CAPZB: variants seen among roughly 807,000 people sequenced by gnomAD.
CAPZB encodes the protein F-actin-capping protein subunit beta.
Under a neutral mutation model 38.1 loss-of-function variants are expected in CAPZB, and 2 were observed. The observed-to-expected ratio is 0.05, with a 90% CI of 0.02 to 0.17. CAPZB has a LOEUF of 0.17. Among genes scored for constraint, CAPZB ranks in the 10% least tolerant of loss-of-function variants. The pLI is 1.00. For synonymous variants in CAPZB, 107 were observed against 127.4 expected, an observed-to-expected ratio of 0.84 and a Z score of 1.08; for missense variants, 161 against 334.2, an observed-to-expected ratio of 0.48 and a Z score of 4.04.
intron 2 of CAPZB, among the ~76,000 whole-genome samples, chr1:19,392,244 G>C (rs1309601358): frequency 6.6e-6 from 1 of 151,802 alleles, no homozygotes; most frequent in South Asian, 2.1e-4. Flanking sequence ...GACAGAAGGG[G>C]GTTGCTGTGG....
chr1:19,355,118 G>A (rs2094013253), intron 6 of CAPZB, among the ~76,000 whole-genome samples: 2 of 152,286 alleles, frequency 1.3e-5, no homozygotes, highest in African/African-American at 4.8e-5. Flanking sequence ...AGGTATGACG[G>A]CTGACATTCA....
chr1:19,399,962 G>A (rs116148997), intron 2 of CAPZB, among the ~76,000 whole-genome samples: 148 of 152,228 alleles, frequency 9.7e-4, no homozygotes, highest in Non-Finnish European at 1.7e-3. Flanking sequence ...CACAGCCTTA[G>A]GACACAGATG....
chr1:19,368,949 T>A (rs968109698), intron 4 of CAPZB, among the ~76,000 whole-genome samples: 6 of 152,166 alleles, frequency 3.9e-5, no homozygotes, highest in Non-Finnish European at 8.8e-5. Flanking sequence ...GGGAGGGAGC[T>A]GGTCCCTGCT....
At chr1:19,370,200 C>T (rs904899039) in intron 4 of CAPZB, among the ~76,000 whole-genome samples, 2 of 152,238 alleles carry the variant, frequency 1.3e-5, no homozygotes, top group African/African-American at 2.4e-5. Context: ...CCCTTCAGGG[C>T]GTGGCCCAGG....
intron 1 of CAPZB, among the ~76,000 whole-genome samples, chr1:19,426,925 C>G (rs1024859941): frequency 2.0e-5 from 3 of 152,170 alleles, no homozygotes; most frequent in African/African-American, 4.8e-5. Context: ...AAACTGGGGA[C>G]AGAAGAGCTA....
At chr1:19,461,009 A>C (rs986635472) in intron 1 of CAPZB, among the ~76,000 whole-genome samples, 2 of 148,250 alleles carry the variant, frequency 1.3e-5, no homozygotes, top group Admixed American at 1.4e-4. Context: ...TCCCTCTCTC[A>C]AGGCTGGGAA....
At chr1:19,473,897 A>G (rs2094598132) in intron 1 of CAPZB, among the ~76,000 whole-genome samples, 1 of 152,232 alleles carries the variant, frequency 6.6e-6, no homozygotes, top group Non-Finnish European at 1.5e-5. Context: ...GACCCAATCC[A>G]ATGGTGTTAA....
At chr1:19,450,700 G>A (rs1426521905) in intron 1 of CAPZB, among the ~76,000 whole-genome samples, 3 of 152,302 alleles carry the variant, frequency 2.0e-5, no homozygotes, top group Admixed American at 1.3e-4. Context: ...CAAGGCCCCA[G>A]GGAAGCAAAA....
intron 1 of CAPZB, among the ~76,000 whole-genome samples, chr1:19,483,183 A>T (rs1254495502): frequency 6.6e-6 from 1 of 151,740 alleles, no homozygotes; most frequent in Non-Finnish European, 1.5e-5. Context: ...TATACAAAGG[A>T]TCTAAAATAC....
intron 1 of CAPZB, among the ~76,000 whole-genome samples, chr1:19,460,273 T>TTTTG (rs200693509): frequency 6.6e-6 from 1 of 152,042 alleles, no homozygotes; most frequent in Non-Finnish European, 1.5e-5. Context: ...AGTATTGGTT[T>TTTTG]TTTGTTTGTT....
chr1:19,345,276 A>G, intron 6 of CAPZB, 24 bp from the exon 7 acceptor site: 1 of 1,596,562 alleles, frequency 6.3e-7, no homozygotes, highest in Non-Finnish European at 8.6e-7. Flanking sequence ...AAACATTCCA[A>G]GTCAGAGAAA....
chr1:19,420,033 C>A (rs3790760), intron 1 of CAPZB: 3 of 385,886 alleles, frequency 7.8e-6, no homozygotes, highest in Non-Finnish European at 1.4e-5. Flanking sequence ...ACCGGCTCCC[C>A]TGCTCCTGCT....
intron 6 of CAPZB, among the ~76,000 whole-genome samples, chr1:19,349,677 G>A (rs1215243000): frequency 6.6e-6 from 1 of 152,226 alleles, no homozygotes; most frequent in African/African-American, 2.4e-5. Flanking sequence ...CTTGCAGTGT[G>A]CGACACTGTC....
intron 1 of CAPZB, among the ~76,000 whole-genome samples, chr1:19,462,136 C>A (rs976128944): frequency 2.0e-5 from 3 of 151,364 alleles, no homozygotes; most frequent in African/African-American, 7.3e-5. Context: ...CCAGCCTGGG[C>A]AAGATACCCC....
intron 2 of CAPZB, among the ~76,000 whole-genome samples, chr1:19,388,607 C>A (rs997577695): frequency 6.6e-6 from 1 of 152,204 alleles, no homozygotes; most frequent in Non-Finnish European, 1.5e-5. Flanking sequence ...TGGGAAAGCA[C>A]TGAACAAAGA....
At chr1:19,432,026 G>T in intron 1 of CAPZB, among the ~76,000 whole-genome samples, 1 of 97,498 alleles carries the variant, frequency 1.0e-5, no homozygotes, top group African/African-American at 4.6e-5. Flanking sequence ...CTGCATAACA[G>T]AATGAGATCC....
At chr1:19,347,815 T>C (rs1458868882) in intron 6 of CAPZB, among the ~76,000 whole-genome samples, 3 of 152,154 alleles carry the variant, frequency 2.0e-5, no homozygotes, top group Non-Finnish European at 1.5e-5. Flanking sequence ...GAACCCTGTT[T>C]TAAACCCAAG....
intron 1 of CAPZB, among the ~76,000 whole-genome samples, chr1:19,479,463 T>G (rs2094619738): frequency 6.6e-6 from 1 of 152,178 alleles, no homozygotes; most frequent in Non-Finnish European, 1.5e-5. Context: ...ATCTAGGATT[T>G]AGACTGACCT....
rs2093915909 is a variant in CAPZB at position 19,339,447 on chromosome 1, C to T, written c.*83G>A. 9.3e-6 allele frequency: 9 copies of T among 971,090 alleles called. No individual in the cohort carries two copies. Among genetic ancestry groups the T allele is most frequent in the Non-Finnish European group, 1.3e-5 (8 of 594,858 alleles). 60.2% of individuals were successfully genotyped at this position (971,090 alleles called of 1,614,324 possible). On this transcript the variant is annotated 3_prime_UTR_variant, in exon 9 of 9. Transcript: ENST00000264202. ...TGTGACCTGTCGGGGAGGGAAGGGA[C>T]GAGGGAAGGGAGCAGAAAACGAGTT... is the stretch of plus-strand genomic sequence containing the variant.
Sources: gnomAD v4.1 joint callset for allele counts (sites outside exome capture counted in the v4.1 genomes callset) on GRCh38, gnomAD v4.1.1 for gene constraint, MANE v1.5 for transcripts, NCBI Gene and HGNC (gene_info 2026-07-23, HGNC 2026-07-21) for gene names.